KCNH1: variants seen among roughly 807,000 people sequenced by gnomAD.
The protein encoded by KCNH1 is voltage-gated delayed rectifier potassium channel KCNH1.
A neutral mutation model predicts 69.2 loss-of-function variants in KCNH1; 27 were observed. The observed-to-expected ratio is 0.39, with a 90% CI of 0.29 to 0.54. KCNH1 has a LOEUF of 0.54. Ranked by LOEUF, KCNH1 falls within the 20% of genes least tolerant of loss-of-function variation. The pLI is 0.68. For missense variants in KCNH1, 798 were observed against 1,261.6 expected (o/e 0.63, Z 5.57); for synonymous variants, 456 against 487.7 (o/e 0.93, Z 0.86).
intron 7 of KCNH1, among the ~76,000 whole-genome samples, chr1:210,839,315 A>T (rs902890412): frequency 2.0e-5 from 3 of 152,196 alleles, no homozygotes; most frequent in Non-Finnish European, 2.9e-5. Context: ...AGGAACAGAA[A>T]ACCAAATACT....
At chr1:210,874,929 A>G (rs1207261405) in intron 7 of KCNH1, among the ~76,000 whole-genome samples, 3 of 152,202 alleles carry the variant, frequency 2.0e-5, no homozygotes, top group African/African-American at 7.2e-5. Flanking sequence ...TTAAAGGGGT[A>G]AGAACAACAG....
At chr1:210,907,255 A>G (rs887402920) in intron 7 of KCNH1, among the ~76,000 whole-genome samples, 1 of 152,204 alleles carries the variant, frequency 6.6e-6, no homozygotes, top group Non-Finnish European at 1.5e-5. Flanking sequence ...GTCAGGGTAC[A>G]ATGGCTCTTC....
chr1:211,017,341 C>A (rs187313136), intron 6 of KCNH1, among the ~76,000 whole-genome samples: 363 of 152,284 alleles, frequency 2.4e-3, no homozygotes, highest in Non-Finnish European at 4.2e-3. Context: ...GATATCCCGG[C>A]AGGGAGCAAG....
At chr1:210,765,820 G>A (rs927044626) in intron 10 of KCNH1, among the ~76,000 whole-genome samples, 1 of 152,200 alleles carries the variant, frequency 6.6e-6, no homozygotes, top group African/African-American at 2.4e-5. Flanking sequence ...CCAGGACTTT[G>A]GGAGGCCGAA....
chr1:210,685,401 C>A (rs1344429102), intron 10 of KCNH1, among the ~76,000 whole-genome samples: 1 of 152,150 alleles, frequency 6.6e-6, no homozygotes, highest in Non-Finnish European at 1.5e-5. Context: ...GTGCCCTGGG[C>A]AGGCCACTTA....
chr1:210,710,634 C>A (rs1682049444), intron 10 of KCNH1, among the ~76,000 whole-genome samples: 1 of 152,124 alleles, frequency 6.6e-6, no homozygotes. Flanking sequence ...CTTCTTATCC[C>A]TATTTTACAG....
intron 7 of KCNH1, among the ~76,000 whole-genome samples, chr1:210,914,547 TTCAGCAGTGAACGTAAG>T (rs1414193070): frequency 6.6e-6 from 1 of 152,014 alleles, no homozygotes; most frequent in African/African-American, 2.4e-5. Flanking sequence ...GAGTCAAGTG[TTCAGCAGTGAACGTAAG>T]TACTGTCTCT....
At chr1:210,846,498 A>C (rs1027361298) in intron 7 of KCNH1, among the ~76,000 whole-genome samples, 178 of 152,250 alleles carry the variant, frequency 1.2e-3, no homozygotes, top group African/African-American at 4.2e-3. Context: ...CCTATTTAAT[A>C]AATGGTGCTG....
At chr1:211,116,912 T>G (rs1691593203) in intron 1 of KCNH1, among the ~76,000 whole-genome samples, 2 of 152,200 alleles carry the variant, frequency 1.3e-5, no homozygotes, top group African/African-American at 4.8e-5. Context: ...TGGAGCTGAT[T>G]CCGTATTTTG....
chr1:211,002,320 A>ATATATATGTGTGTGTGTG (rs1315970053), intron 6 of KCNH1, among the ~76,000 whole-genome samples: 1 of 109,874 alleles, frequency 9.1e-6, no homozygotes, highest in African/African-American at 4.3e-5. Flanking sequence ...ATACGTGTAT[A>ATATATATGTGTGTGTGTG]TATATATGTG....
chr1:210,931,195 C>T (rs913558671), intron 6 of KCNH1, among the ~76,000 whole-genome samples: 7 of 152,032 alleles, frequency 4.6e-5, no homozygotes, highest in African/African-American at 9.7e-5. Context: ...AGTCATTATA[C>T]GAAAAAGATA....
At chr1:210,691,702 G>A (rs1681530857) in intron 10 of KCNH1, among the ~76,000 whole-genome samples, 1 of 152,204 alleles carries the variant, frequency 6.6e-6, no homozygotes, top group South Asian at 2.1e-4. Context: ...GAAGGCAAGA[G>A]GCCAAGAAAC....
chr1:211,054,292 A>G (rs139430680), intron 5 of KCNH1, among the ~76,000 whole-genome samples: 8 of 152,206 alleles, frequency 5.3e-5, no homozygotes, highest in Non-Finnish European at 1.0e-4. Flanking sequence ...AAAAAAGAAA[A>G]AAAAAATTAA....
intron 7 of KCNH1, among the ~76,000 whole-genome samples, chr1:210,885,428 C>T (rs990021888): frequency 6.6e-6 from 1 of 152,198 alleles, no homozygotes; most frequent in Admixed American, 6.5e-5. Context: ...CCAAGAGATT[C>T]CCTCAGGTGC....
intron 7 of KCNH1, among the ~76,000 whole-genome samples, chr1:210,830,538 C>T (rs1312499448): frequency 6.6e-6 from 1 of 152,020 alleles, no homozygotes; most frequent in African/African-American, 2.4e-5. Context: ...GATTCTGTGT[C>T]AAATAAGGAG....
chr1:210,836,751 A>G (rs996438323), intron 7 of KCNH1, among the ~76,000 whole-genome samples: 1 of 152,194 alleles, frequency 6.6e-6, no homozygotes, highest in African/African-American at 2.4e-5. Flanking sequence ...AGCAAACACT[A>G]TAAAGATGAG....
chr1:210,868,532 A>T (rs547922788), intron 7 of KCNH1, among the ~76,000 whole-genome samples: 13 of 152,138 alleles, frequency 8.5e-5, no homozygotes, highest in African/African-American at 2.9e-4. Flanking sequence ...GTTTCAGTAT[A>T]CTACCTATTT....
chr1:210,931,488 T>A (rs1687679490), intron 6 of KCNH1, among the ~76,000 whole-genome samples: 1 of 152,012 alleles, frequency 6.6e-6, no homozygotes, highest in Non-Finnish European at 1.5e-5. Context: ...GGCCTAAGAA[T>A]GATACATTGG....
At chr1:210,713,905 G>A (rs1682145187) in intron 10 of KCNH1, among the ~76,000 whole-genome samples, 1 of 152,168 alleles carries the variant, frequency 6.6e-6, no homozygotes, top group South Asian at 2.1e-4. Context: ...CAGGAATTCA[G>A]CACCAATAAA....
Sources: allele counts gnomAD v4.1 joint callset (sites outside exome capture counted in the v4.1 genomes callset), GRCh38; gene constraint gnomAD v4.1.1; transcripts MANE v1.5; gene names NCBI Gene and HGNC (gene_info 2026-07-23, HGNC 2026-07-21).